The following CADPS2 variants were observed in gnomAD, a reference collection of about 807,000 sequenced individuals.
CADPS2 encodes the protein calcium-dependent secretion activator 2.
Under a neutral mutation model 172.5 loss-of-function variants are expected in CADPS2, and 93 were observed. The observed-to-expected ratio is 0.54, with a 90% CI of 0.46 to 0.64. CADPS2 has a LOEUF of 0.64. Among genes scored for constraint, CADPS2 ranks in the 30% least tolerant of loss-of-function variants. The pLI, the probability that CADPS2 is intolerant of heterozygous loss-of-function variation, is 0.00. For missense variants in CADPS2, 1,420 were observed against 1,565.9 expected (o/e 0.91, Z 1.57); for synonymous variants, 546 against 555.2 (o/e 0.98, Z 0.23).
intron 1 of CADPS2, among the ~76,000 whole-genome samples, chr7:122,749,343 T>A (rs2190252): frequency 0.21 from 31,883 of 151,908 alleles, 3,527 homozygotes; most frequent in Middle Eastern, 0.31. Flanking sequence ...AACCAAGGAT[T>A]TGTGAGAGAA....
At chr7:122,513,115 T>C in intron 9 of CADPS2, 134 bp downstream of exon 9, 1 of 623,266 alleles carries the variant, frequency 1.6e-6, no homozygotes. Context: ...GTAATGAATG[T>C]ACTGCTTTTA....
At chr7:122,712,945 C>T (rs922709697) in intron 2 of CADPS2, among the ~76,000 whole-genome samples, 3 of 152,034 alleles carry the variant, frequency 2.0e-5, no homozygotes, top group East Asian at 3.9e-4. Context: ...AATACCATCA[C>T]CTTGGGGGTC....
chr7:122,561,203 TC>T (rs2065720512), intron 7 of CADPS2, among the ~76,000 whole-genome samples: 1 of 152,132 alleles, frequency 6.6e-6, no homozygotes, highest in South Asian at 2.1e-4. Context: ...TAAATTGAGT[TC>T]TTTTATTTTC....
At chr7:122,877,790 G>A (rs1416697560) in intron 1 of CADPS2, among the ~76,000 whole-genome samples, 7 of 152,044 alleles carry the variant, frequency 4.6e-5, no homozygotes, top group Non-Finnish European at 8.8e-5. Context: ...AAACGATAGC[G>A]TCTAATCAGG....
chr7:122,770,478 C>T (rs777707410), intron 1 of CADPS2, among the ~76,000 whole-genome samples: 9 of 152,138 alleles, frequency 5.9e-5, no homozygotes, highest in Non-Finnish European at 8.8e-5. Context: ...GAAATTTACA[C>T]GTAACACAGT....
intron 1 of CADPS2, among the ~76,000 whole-genome samples, chr7:122,767,612 C>G (rs1452095792): frequency 2.0e-5 from 3 of 152,122 alleles, no homozygotes; most frequent in Non-Finnish European, 4.4e-5. Flanking sequence ...TCAGCTGGCA[C>G]ACCCTTTGTG....
At chr7:122,813,068 T>C (rs1252402410) in intron 1 of CADPS2, among the ~76,000 whole-genome samples, 2 of 152,126 alleles carry the variant, frequency 1.3e-5, no homozygotes. Context: ...GCCCTATCAC[T>C]TTCCATTCTT....
chr7:122,538,054 A>G (rs1445240443), intron 8 of CADPS2, among the ~76,000 whole-genome samples: 2 of 151,506 alleles, frequency 1.3e-5, no homozygotes, highest in Non-Finnish European at 2.9e-5. Flanking sequence ...ACCTCCCCTT[A>G]CCTCCAACCG....
intron 1 of CADPS2, among the ~76,000 whole-genome samples, chr7:122,760,431 A>C (rs1053567705): frequency 6.6e-6 from 1 of 152,108 alleles, no homozygotes; most frequent in Admixed American, 6.6e-5. Context: ...ACACACTATA[A>C]TAGTAAGAGT....
At chr7:122,388,447 C>A (rs1392402021) in intron 23 of CADPS2, 136 bp downstream of exon 23, 2 of 934,752 alleles carry the variant, frequency 2.1e-6, no homozygotes, top group African/African-American at 3.3e-5. Flanking sequence ...ATCAAGATAA[C>A]CTAATACTCA....
chr7:122,839,301 T>C (rs1469507915), intron 1 of CADPS2, among the ~76,000 whole-genome samples: 9 of 152,056 alleles, frequency 5.9e-5, no homozygotes, highest in Middle Eastern at 3.2e-3. Context: ...AAGACTTAAA[T>C]GTTAGACCTA....
At chr7:122,832,109 T>A (rs1806737515) in intron 1 of CADPS2, among the ~76,000 whole-genome samples, 1 of 152,184 alleles carries the variant, frequency 6.6e-6, no homozygotes, top group South Asian at 2.1e-4. Flanking sequence ...GATACATGGA[T>A]GAAAAATCAG....
intron 3 of CADPS2, among the ~76,000 whole-genome samples, chr7:122,639,957 G>C (rs2077437758): frequency 6.6e-6 from 1 of 152,118 alleles, no homozygotes; most frequent in South Asian, 2.1e-4. Flanking sequence ...AGGAGTTCCA[G>C]ACTTAAATTT....
intron 1 of CADPS2, among the ~76,000 whole-genome samples, chr7:122,764,610 C>T (rs895937910): frequency 6.6e-6 from 1 of 151,920 alleles, no homozygotes; most frequent in African/African-American, 2.4e-5. Flanking sequence ...CAGGGTATAG[C>T]AACAGAGAGG....
At chr7:122,769,280 C>A (rs940720889) in intron 1 of CADPS2, among the ~76,000 whole-genome samples, 1 of 152,198 alleles carries the variant, frequency 6.6e-6, no homozygotes, top group Non-Finnish European at 1.5e-5. Flanking sequence ...TTGGATAGAG[C>A]TCTGGCAACA....
chr7:122,585,892 A>C (rs2069596263), intron 6 of CADPS2: 2 of 152,104 alleles, frequency 1.3e-5, no homozygotes, highest in African/African-American at 4.8e-5. Flanking sequence ...GCCAAAATAC[A>C]TGTTCATATC....
chr7:122,730,248 A>T (rs1264179710), intron 2 of CADPS2, among the ~76,000 whole-genome samples: 1 of 151,810 alleles, frequency 6.6e-6, no homozygotes, highest in East Asian at 1.9e-4. Context: ...CTTCACTAAT[A>T]GCAAATAATA....
At chr7:122,717,972 G>A (rs922102948) in intron 2 of CADPS2, among the ~76,000 whole-genome samples, 3 of 136,074 alleles carry the variant, frequency 2.2e-5, no homozygotes, top group African/African-American at 8.2e-5. Flanking sequence ...CACCACACTC[G>A]GCTAATTTTT....
At chr7:122,483,366 A>C (rs749364919) in intron 11 of CADPS2, among the ~76,000 whole-genome samples, 2 of 152,214 alleles carry the variant, frequency 1.3e-5, no homozygotes, top group Non-Finnish European at 2.9e-5. Flanking sequence ...TAAAGTACTA[A>C]AAGAAAAATA....
Sources: gnomAD v4.1 joint callset for allele counts (sites outside exome capture counted in the v4.1 genomes callset) on GRCh38, gnomAD v4.1.1 for gene constraint, MANE v1.5 for transcripts, NCBI Gene and HGNC (gene_info 2026-07-23, HGNC 2026-07-21) for gene names.